Variants in TDP1 observed in about 807,000 individuals in gnomAD.
TDP1 encodes tyrosyl-DNA phosphodiesterase 1.
In TDP1, 64 loss-of-function variants were observed where a neutral mutation model predicts 81.5. The ratio of observed to expected loss-of-function variants is 0.79; its 90% confidence interval spans 0.64 to 0.97. The LOEUF is 0.97. Among genes scored for constraint, TDP1 ranks in the 50% least tolerant of loss-of-function variants. TDP1 has a pLI of 0.00. For missense variants in TDP1, 723 were observed against 743.8 expected, an observed-to-expected ratio of 0.97 and a Z score of 0.33; for synonymous variants, 256 against 264.3, an observed-to-expected ratio of 0.97 and a Z score of 0.30.
chr14:89,970,895 G>A, intron 5 of TDP1: 3 of 353,298 alleles, frequency 8.5e-6, no homozygotes, highest in Non-Finnish European at 1.2e-5. Flanking sequence ...CTGGAGTGCA[G>A]TGGCTCAATC....
At chr14:89,998,370 CATTATATATATATATATATATATA>C (rs1329237572) in intron 14 of TDP1, among the ~76,000 whole-genome samples, 9 of 98,290 alleles carry the variant, frequency 9.2e-5, no homozygotes, top group South Asian at 3.2e-4. Context: ...GTTCCAAGCA[CATTATATATATATATATATATATA>C]TATATATATA....
At position 89,963,566 on chromosome 14, in the gene TDP1, G is replaced by C. The variant is rs1253619280; in HGVS notation, c.452G>C (p.Gly151Ala). ...GACGAGTATGAGACATCAGGGGAGGGCCAGGACATTTGGGACATGCTGGAT... is the reference window on the plus strand; with the variant it reads ...GACGAGTATGAGACATCAGGGGAGGCCCAGGACATTTGGGACATGCTGGAT... ...EEDEYETSGE[G>A]QDIWDMLDKG... The change falls in exon 3 of 17, where the codon GGC becomes GCC. Residue 151 changes from glycine to alanine, a missense_variant. By Grantham distance (60) the Gly-to-Ala change is moderately conservative. Coordinates refer to ENST00000335725, the MANE Select transcript of TDP1 (RefSeq NM_018319.4). 3 of 1,613,354 alleles carry C rather than the reference G, an allele frequency of 1.9e-6. No individual in the cohort carries two copies. The highest frequency in any genetic ancestry group is 1.3e-5 in the African/African-American group (1 of 74,908).
chr14:89,971,239 G>T lies in TDP1; in HGVS notation c.724G>T (p.Ala242Ser). Reference protein sequence around the residue: ...REAKAHLHAQAKPYENISLCQ... With the variant: ...REAKAHLHAQSKPYENISLCQ... ...GGCTAAGGCTCACCTCCATGCCCAG[G>T]CCAAGCCTTACGAGAACATCTCTCT... Residue 242 changes from alanine to serine, a missense_variant, in exon 6 of 17, where the codon GCC (alanine) becomes TCC (serine). Transcript: ENST00000335725. 1 of 1,614,086 alleles carries T rather than the reference G, an allele frequency of 6.2e-7. No individual in the cohort carries two copies.
intron 15 of TDP1, among the ~76,000 whole-genome samples, chr14:90,024,363 A>C (rs1886417654): frequency 6.6e-6 from 1 of 152,150 alleles, no homozygotes; most frequent in African/African-American, 2.4e-5. Context: ...CCTCCTCTGC[A>C]TCCACAACTT....
chr14:90,023,316 G>A (rs556382984), intron 15 of TDP1, among the ~76,000 whole-genome samples: 1 of 152,308 alleles, frequency 6.6e-6, no homozygotes, highest in East Asian at 1.9e-4. Context: ...AGTGCAGGCT[G>A]TGTTTGGGAA....
intron 8 of TDP1, among the ~76,000 whole-genome samples, chr14:89,982,188 C>T (rs951399403): frequency 6.6e-6 from 1 of 152,098 alleles, no homozygotes; most frequent in African/African-American, 2.4e-5. Flanking sequence ...AATTCCTGGT[C>T]GCTTTTCTAT....
chr14:89,958,797 CT>C (rs754474090), intron 2 of TDP1, among the ~76,000 whole-genome samples: 13 of 152,214 alleles, frequency 8.5e-5, no homozygotes, highest in Non-Finnish European at 1.5e-4. Context: ...GGCCCTGCCC[CT>C]ATCTGCCTAG....
chr14:89,993,158 A>C, intron 13 of TDP1: 1 of 984,542 alleles, frequency 1.0e-6, no homozygotes, highest in Non-Finnish European at 1.2e-6. Flanking sequence ...TATATGCTGA[A>C]AGGTTGCAGT....
intron 10 of TDP1, among the ~76,000 whole-genome samples, chr14:89,985,854 CTGTCTCTACTAAAAA>C (rs1895499220): frequency 6.6e-6 from 1 of 152,104 alleles, no homozygotes; most frequent in Non-Finnish European, 1.5e-5. Flanking sequence ...TGGTGAAACC[CTGTCTCTACTAAAAA>C]TACAAAAATT....
At chr14:89,960,890 GA>G (rs1286178990) in intron 2 of TDP1, among the ~76,000 whole-genome samples, 1 of 152,166 alleles carries the variant, frequency 6.6e-6, no homozygotes, top group Non-Finnish European at 1.5e-5. Context: ...TGTGTTCACT[GA>G]AAAAATCATG....
chr14:89,977,840 A>C (rs1300081504), intron 7 of TDP1, among the ~76,000 whole-genome samples: 1 of 150,726 alleles, frequency 6.6e-6, no homozygotes, highest in East Asian at 1.9e-4. Context: ...ACTTTGGCAC[A>C]CAAGCCCTGC....
intron 8 of TDP1, among the ~76,000 whole-genome samples, chr14:89,982,576 T>C (rs1415789247): frequency 6.6e-6 from 1 of 152,182 alleles, no homozygotes; most frequent in East Asian, 1.9e-4. Flanking sequence ...TTACAGGCAG[T>C]AGTACTGTCT....
chr14:90,022,445 G>A (rs1886195353), intron 15 of TDP1, among the ~76,000 whole-genome samples: 1 of 152,218 alleles, frequency 6.6e-6, no homozygotes, highest in African/African-American at 2.4e-5. Context: ...TGCAGCCCAG[G>A]TGCTGGCCAG....
intron 6 of TDP1, among the ~76,000 whole-genome samples, chr14:89,973,235 A>G (rs1252933611): frequency 6.6e-6 from 1 of 152,242 alleles, no homozygotes; most frequent in Non-Finnish European, 1.5e-5. Context: ...CCAGCAACAT[A>G]AGAGGTTATA....
intron 14 of TDP1, among the ~76,000 whole-genome samples, chr14:89,998,414 ATATATATATG>A (rs1193690115): frequency 4.7e-4 from 47 of 100,754 alleles, no homozygotes; most frequent in African/African-American, 6.9e-4. Context: ...ATATATATAT[ATATATATATG>A]TATGTATGTA....
intron 10 of TDP1, among the ~76,000 whole-genome samples, 186 bp downstream of exon 10, chr14:89,985,396 A>G (rs1340785721): frequency 6.6e-6 from 1 of 152,200 alleles, no homozygotes; most frequent in African/African-American, 2.4e-5. Flanking sequence ...TGCCTCTTTT[A>G]TAGCTGTAGG....
At chr14:90,024,514 ATCC>A (rs1886432569) in intron 15 of TDP1, among the ~76,000 whole-genome samples, 1 of 152,180 alleles carries the variant, frequency 6.6e-6, no homozygotes, top group Non-Finnish European at 1.5e-5. Flanking sequence ...CTTTAAGTTG[ATCC>A]ATACCGAACA....
At chr14:89,980,420 G>C in intron 7 of TDP1, 120 bp from the exon 8 acceptor site, 1 of 1,411,618 alleles carries the variant, frequency 7.1e-7, no homozygotes, top group Non-Finnish European at 9.7e-7. Flanking sequence ...TAAATGTTAA[G>C]TTTGGGTAAT....
intron 14 of TDP1, among the ~76,000 whole-genome samples, chr14:89,998,391 T>C (rs1367802440): frequency 2.3e-5 from 2 of 87,202 alleles, no homozygotes; most frequent in African/African-American, 1.3e-4. Context: ...TATATATATA[T>C]ATATATATAT....
Sources: gnomAD v4.1 joint callset for allele counts (sites outside exome capture counted in the v4.1 genomes callset) on GRCh38, gnomAD v4.1.1 for gene constraint, MANE v1.5 for transcripts, NCBI Gene and HGNC (gene_info 2026-07-23, HGNC 2026-07-21) for gene names.